The following MED12L variants were observed in gnomAD, a reference collection of about 807,000 sequenced individuals.
MED12L encodes the protein mediator of RNA polymerase II transcription subunit 12-like protein.
A neutral mutation model predicts 281.3 loss-of-function variants in MED12L; 60 were observed. The observed-to-expected ratio is 0.21, with a 90% CI of 0.17 to 0.26. MED12L has a LOEUF of 0.26. Among genes scored for constraint, MED12L ranks in the 10% least tolerant of loss-of-function variants. The probability of loss-of-function intolerance (pLI) is 1.00; values close to 1 mark genes in which losing one functional copy is unlikely to be tolerated. For synonymous variants in MED12L, 974 were observed against 987.2 expected (o/e 0.99, Z 0.25); for missense variants, 2,146 against 2,680.9 (o/e 0.80, Z 4.41).
chr3:151,329,863 G>A (rs1750150342), intron 16 of MED12L, among the ~76,000 whole-genome samples: 1 of 152,196 alleles, frequency 6.6e-6, no homozygotes, highest in Non-Finnish European at 1.5e-5. Flanking sequence ...AATCAAGTAG[G>A]AGAATAAGAC....
intron 16 of MED12L, among the ~76,000 whole-genome samples, chr3:151,242,703 G>A (rs1734456301): frequency 6.6e-6 from 1 of 152,218 alleles, no homozygotes; most frequent in African/African-American, 2.4e-5. Flanking sequence ...TATAAAAAGA[G>A]AGCGCCTCTC....
At chr3:151,115,783 T>G (rs574898454) in intron 2 of MED12L, among the ~76,000 whole-genome samples, 6 of 151,342 alleles carry the variant, frequency 4.0e-5, no homozygotes, top group African/African-American at 1.5e-4. Flanking sequence ...ATGGGCCAGG[T>G]GGGGTGGCTT....
At chr3:151,196,077 G>A (rs1190991682) in intron 16 of MED12L, among the ~76,000 whole-genome samples, 4 of 152,132 alleles carry the variant, frequency 2.6e-5, no homozygotes, top group Non-Finnish European at 5.9e-5. Context: ...TCTTTATTCT[G>A]TTGTTCCTGT....
chr3:151,161,920 A>G (rs1323805172), intron 8 of MED12L, among the ~76,000 whole-genome samples: 1 of 152,198 alleles, frequency 6.6e-6, no homozygotes, highest in Non-Finnish European at 1.5e-5. Flanking sequence ...TTCATTGGTG[A>G]TCTTTTAAAG....
chr3:151,210,542 A>C (rs968919753), intron 16 of MED12L, among the ~76,000 whole-genome samples: 1 of 152,220 alleles, frequency 6.6e-6, no homozygotes, highest in African/African-American at 2.4e-5. Flanking sequence ...TTTTATAAAA[A>C]CACCTTAAAA....
chr3:151,101,111 A>G (rs191230005), intron 2 of MED12L, among the ~76,000 whole-genome samples: 1 of 152,336 alleles, frequency 6.6e-6, no homozygotes, highest in East Asian at 1.9e-4. Context: ...CAGTGACAGT[A>G]TCAGACCACA....
intron 16 of MED12L, among the ~76,000 whole-genome samples, chr3:151,194,014 G>A (rs1188340783): frequency 7.4e-6 from 1 of 135,042 alleles, no homozygotes; most frequent in African/African-American, 2.7e-5. Flanking sequence ...TGCCCAGGCT[G>A]GAGTACAGTG....
At chr3:151,295,402 C>G in intron 16 of MED12L, 3 of 572,514 alleles carry the variant, frequency 5.2e-6, no homozygotes, top group South Asian at 4.8e-5. Context: ...CTCTCACTAC[C>G]CTGCCTCCCT....
Position 151,152,922 on chromosome 3 carries a change from G to A in MED12L, c.557-3239G>A, listed in dbSNP as rs140646763. Among the ~76,000 whole-genome samples the A allele has an allele frequency of 1.6e-3, 241 of 152,280 alleles. 6 individuals are homozygous for A. In the South Asian group the frequency reaches 0.045, roughly 28 times the overall value. On this transcript the variant is annotated intron_variant, in intron 5 of 44. Transcript: ENST00000687756. ...TGTGCTCTGTATTTGCCTCCATGGC[G>A]GGTGTTCCTCCTCTGCTGAGCTTCC...
intron 16 of MED12L, among the ~76,000 whole-genome samples, chr3:151,347,216 T>A (rs12637988): frequency 0.27 from 41,091 of 152,058 alleles, 5,825 homozygotes; most frequent in Non-Finnish European, 0.31. Context: ...AATCATCAGG[T>A]AAAGTTTCCT....
At chr3:151,204,064 G>A (rs1028367524) in intron 16 of MED12L, among the ~76,000 whole-genome samples, 1 of 152,206 alleles carries the variant, frequency 6.6e-6, no homozygotes, top group African/African-American at 2.4e-5. Flanking sequence ...AGCCTAGCAT[G>A]CTGGGGGACC....
intron 13 of MED12L, among the ~76,000 whole-genome samples, chr3:151,189,254 C>T (rs1723655476): frequency 6.6e-6 from 1 of 152,144 alleles, no homozygotes; most frequent in Admixed American, 6.5e-5. Flanking sequence ...TGAGTGAGAC[C>T]TGCAGGTGAG....
intron 1 of MED12L, 103 bp from the exon 2 acceptor site, chr3:151,086,695 G>C (rs1193780856): frequency 2.6e-6 from 1 of 382,648 alleles, no homozygotes; most frequent in Non-Finnish European, 4.7e-6. Flanking sequence ...TGCGTCCCGG[G>C]GCTCGAGCGC....
intron 16 of MED12L, among the ~76,000 whole-genome samples, chr3:151,308,404 A>G (rs1312341576): frequency 3.9e-5 from 6 of 152,108 alleles, no homozygotes. Flanking sequence ...AATTCCATAT[A>G]GGTAACTTCT....
At chr3:151,189,819 A>G (rs1489460240) in intron 13 of MED12L, among the ~76,000 whole-genome samples, 1 of 152,240 alleles carries the variant, frequency 6.6e-6, no homozygotes, top group Non-Finnish European at 1.5e-5. Context: ...TTTAGAGTGC[A>G]GTGACAATAT....
intron 16 of MED12L, among the ~76,000 whole-genome samples, chr3:151,303,403 A>G (rs767902411): frequency 6.6e-5 from 10 of 152,098 alleles, no homozygotes; most frequent in Middle Eastern, 3.2e-3. Flanking sequence ...GGTGATGTCT[A>G]TCTAAGGCCA....
intron 43 of MED12L, among the ~76,000 whole-genome samples, 194 bp downstream of exon 43, chr3:151,416,616 T>C (rs893864789): frequency 6.6e-6 from 1 of 152,230 alleles, no homozygotes; most frequent in African/African-American, 2.4e-5. Context: ...AAGTAAATAT[T>C]TGGGATTCAG....
chr3:151,296,149 A>G (rs1745057938), intron 16 of MED12L, among the ~76,000 whole-genome samples: 1 of 152,000 alleles, frequency 6.6e-6, no homozygotes, highest in African/African-American at 2.4e-5. Context: ...AACCTGGTAT[A>G]TTTTTTTTGT....
At chr3:151,389,802 T>C (rs1024257255) in intron 37 of MED12L, among the ~76,000 whole-genome samples, 177 bp from the exon 38 acceptor site, 2 of 152,172 alleles carry the variant, frequency 1.3e-5, no homozygotes, top group Admixed American at 1.3e-4. Context: ...AAAGTTTACC[T>C]CAAATGAATA....
Sources: allele counts gnomAD v4.1 joint callset (sites outside exome capture counted in the v4.1 genomes callset), GRCh38; gene constraint gnomAD v4.1.1; transcripts MANE v1.5; gene names NCBI Gene and HGNC (gene_info 2026-07-23, HGNC 2026-07-21).